Variants in CCDC62 observed in about 807,000 individuals in gnomAD.
CCDC62 encodes coiled-coil domain containing 62, also known as coiled-coil domain-containing protein 62.
CCDC62 carries 72 observed loss-of-function variants against 80.8 expected under a neutral mutation model. The ratio of observed to expected loss-of-function variants is 0.89; its 90% confidence interval spans 0.74 to 1.08. CCDC62 has a LOEUF of 1.08. Among genes scored for constraint, CCDC62 ranks in the 50% least tolerant of loss-of-function variants. The pLI is 0.00. For missense variants in CCDC62, 704 were observed against 809.4 expected (o/e 0.87, Z 1.58); for synonymous variants, 286 against 296.5 (o/e 0.96, Z 0.36).
chr12:122,823,252 C>T (rs528661366), intron 11 of CCDC62, 114 bp from the exon 12 acceptor site: 13 of 780,446 alleles, frequency 1.7e-5, no homozygotes, highest in Admixed American at 8.2e-5. Context: ...TGAGCCACCA[C>T]GCCCAGCCTC....
At position 122,801,768 on chromosome 12, in the gene CCDC62, C is replaced by T. The variant is rs1314859675; in HGVS notation, c.1622C>T (p.Ser541Phe). ...DVEWMSIFKP[S>F]KMQRIVRLKS... Reference sequence around the variant, plus strand: ...GAGTGGATGAGTATTTTCAAGCCTTCCAAAATGCAGAGAATTGTCCGCCTC... The same window carrying T: ...GAGTGGATGAGTATTTTCAAGCCTTTCAAAATGCAGAGAATTGTCCGCCTC... The change falls in exon 9 of 13, where the codon TCC becomes TTC. Residue 541 changes from serine (S) to phenylalanine (F), a missense_variant. Physicochemically the swap from Ser to Phe is radical, Grantham distance 155. Coordinates refer to ENST00000253079, the MANE Select transcript of CCDC62 (RefSeq NM_201435.5). The T allele has an allele frequency of 3.1e-6, 5 of 1,614,144 alleles. No homozygotes were observed. The highest frequency in any genetic ancestry group is 3.4e-6 in the Non-Finnish European group (4 of 1,180,030).
intron 1 of CCDC62, among the ~76,000 whole-genome samples, chr12:122,776,236 G>C (rs1879447493): frequency 6.6e-6 from 1 of 152,218 alleles, no homozygotes. Flanking sequence ...CTAATGCTTA[G>C]AGAAGTTAAG....
intron 6 of CCDC62, among the ~76,000 whole-genome samples, chr12:122,794,416 A>G (rs1332284561): frequency 6.6e-6 from 1 of 152,046 alleles, no homozygotes; most frequent in Non-Finnish European, 1.5e-5. Context: ...TCTGGTCTGG[A>G]ACTGCTGGGC....
chr12:122,779,907 CAAAAAAAAAAAAA>C (rs35466260), intron 2 of CCDC62, among the ~76,000 whole-genome samples: 1 of 63,520 alleles, frequency 1.6e-5, no homozygotes, highest in Non-Finnish European at 2.7e-5. Flanking sequence ...GACTCTGTCT[CAAAAAAAAAAAAA>C]AAAAAAAAAA....
At chr12:122,825,003 T>C (rs2032558010) in intron 12 of CCDC62, among the ~76,000 whole-genome samples, 1 of 150,620 alleles carries the variant, frequency 6.6e-6, no homozygotes, top group Non-Finnish European at 1.5e-5. Context: ...AGAGAATCGC[T>C]TGAACCCAGG....
chr12:122,776,878 C>T (rs1879489011), intron 1 of CCDC62: 1 of 152,352 alleles, frequency 6.6e-6, no homozygotes, highest in African/African-American at 2.4e-5. Flanking sequence ...TCACTGCAAC[C>T]TCTGCCTCCA....
intron 1 of CCDC62, among the ~76,000 whole-genome samples, chr12:122,774,955 G>C (rs1468392040): frequency 2.0e-5 from 3 of 151,370 alleles, no homozygotes; most frequent in Non-Finnish European, 4.4e-5. Context: ...TTAGCCGGGC[G>C]TGGCGGCGGG....
At chr12:122,779,754 A>G (rs913308101) in intron 2 of CCDC62, among the ~76,000 whole-genome samples, 1 of 151,988 alleles carries the variant, frequency 6.6e-6, no homozygotes, top group Admixed American at 6.6e-5. Context: ...CTAAAAATAC[A>G]AAAATTAGCA....
chr12:122,812,067 G>C (rs1425846042), intron 10 of CCDC62, among the ~76,000 whole-genome samples: 1 of 152,050 alleles, frequency 6.6e-6, no homozygotes, highest in Non-Finnish European at 1.5e-5. Flanking sequence ...CCAATGCCTA[G>C]GATTCTTTTA....
chr12:122,786,308 C>G (rs564045343), intron 4 of CCDC62, among the ~76,000 whole-genome samples: 1 of 63,404 alleles, frequency 1.6e-5, no homozygotes, highest in African/African-American at 4.0e-5. Context: ...CCACCACACC[C>G]GGCTAATTTT....
At chr12:122,824,062 A>C (rs1056614532) in intron 12 of CCDC62, among the ~76,000 whole-genome samples, 3 of 152,186 alleles carry the variant, frequency 2.0e-5, no homozygotes, top group Non-Finnish European at 4.4e-5. Context: ...AGCTTTAAAA[A>C]TCAGAATCTA....
chr12:122,775,489 T>TA (rs1879386109), intron 1 of CCDC62, among the ~76,000 whole-genome samples: 1 of 152,204 alleles, frequency 6.6e-6, no homozygotes, highest in Admixed American at 6.6e-5. Flanking sequence ...CTCAATAAAT[T>TA]ATTTGTTGAG....
chr12:122,793,454 C>T (rs2030753346), intron 6 of CCDC62, among the ~76,000 whole-genome samples: 1 of 151,964 alleles, frequency 6.6e-6, no homozygotes, highest in African/African-American at 2.4e-5. Flanking sequence ...GAGAAGTAGG[C>T]CTTCACCAGT....
intron 5 of CCDC62, among the ~76,000 whole-genome samples, chr12:122,790,864 A>G (rs746896704): frequency 5.9e-5 from 9 of 152,144 alleles, no homozygotes; most frequent in Non-Finnish European, 1.3e-4. Flanking sequence ...CTGACTCTTC[A>G]TGAATGACAA....
At chr12:122,784,909 C>T (rs966286489) in intron 3 of CCDC62, among the ~76,000 whole-genome samples, 5 of 152,040 alleles carry the variant, frequency 3.3e-5, no homozygotes, top group Non-Finnish European at 7.4e-5. Context: ...GAGGTCAAGG[C>T]GGGCAGATCA....
Position 122,826,869 on chromosome 12 carries a change from T to C in CCDC62, c.*488T>C, listed in dbSNP as rs2032653971. On this transcript the variant is annotated 3_prime_UTR_variant, in exon 13 of 13. Transcript: ENST00000253079. Reference sequence around the variant, plus strand: ...GCTCAAAATATATGAGAAACAGTATTCTCTCATGGTTTTAGCTTTTGACTT... The same window carrying C: ...GCTCAAAATATATGAGAAACAGTATCCTCTCATGGTTTTAGCTTTTGACTT... 6.3e-6 allele frequency: 1 copy of C among 157,646 alleles called. No individual in the cohort carries two copies. Among genetic ancestry groups the C allele is most frequent in the Admixed American group, 6.4e-5 (1 of 15,620 alleles). The allele number at this position is 157,646 out of a possible 1,614,324, so 9.8% of individuals were successfully genotyped here.
intron 10 of CCDC62, among the ~76,000 whole-genome samples, chr12:122,812,779 GAAAGAA>G (rs777909209): frequency 1.5e-4 from 12 of 80,540 alleles, no homozygotes; most frequent in African/African-American, 6.8e-4. Context: ...GAGAGAGAGA[GAAAGAA>G]AGAAAGAAAG....
intron 10 of CCDC62, among the ~76,000 whole-genome samples, chr12:122,811,787 A>C (rs1307601617): frequency 8.0e-6 from 1 of 125,642 alleles, no homozygotes; most frequent in Non-Finnish European, 1.6e-5. Context: ...ACGCCACTGC[A>C]CTCCAGCCTG....
rs190736354 is a variant in CCDC62, at chr12:122,813,229, G to A, written c.1852-41G>A. 2,277 of 1,552,058 alleles carry A rather than the reference G, an allele frequency of 1.5e-3. 2 individuals are homozygous for A. The highest frequency in any genetic ancestry group is 1.5e-3 in the Non-Finnish European group (1,766 of 1,148,024). ...TCCTAGGTAGTTAGCATTTGTGTTT[G>A]TAAACCTAAGCATTTAAAGGTGCCT... On this transcript the variant is annotated intron_variant, in intron 10 of 12. Transcript: ENST00000253079.
Sources: gnomAD v4.1 joint callset for allele counts (sites outside exome capture counted in the v4.1 genomes callset) on GRCh38, gnomAD v4.1.1 for gene constraint, MANE v1.5 for transcripts, NCBI Gene and HGNC (gene_info 2026-07-23, HGNC 2026-07-21) for gene names.